TCF4: variants seen among roughly 807,000 people sequenced by gnomAD.
TCF4 encodes the protein transcription factor 4.
TCF4 carries 3 observed loss-of-function variants against 82.1 expected under a neutral mutation model. The ratio of observed to expected loss-of-function variants is 0.04; its 90% CI spans 0.02 to 0.09. The LOEUF is 0.09. Ranked by LOEUF, TCF4 falls within the 10% of genes least tolerant of loss-of-function variation. TCF4 has a pLI of 1.00. For synonymous variants in TCF4, 276 were observed against 309.6 expected (o/e 0.89, Z 1.14); for missense variants, 518 against 852.7 (o/e 0.61, Z 4.89).
intron 14 of TCF4, among the ~76,000 whole-genome samples, chr18:55,256,950 A>G (rs918435658): frequency 2.0e-5 from 3 of 152,206 alleles, no homozygotes; most frequent in Non-Finnish European, 4.4e-5. Flanking sequence ...AAGCAGAGGT[A>G]GAGGGAATCA....
At chr18:55,298,923 G>A (rs1225693272) in intron 8 of TCF4, among the ~76,000 whole-genome samples, 2 of 151,964 alleles carry the variant, frequency 1.3e-5, no homozygotes, top group Non-Finnish European at 2.9e-5. Flanking sequence ...ATAAAGATAC[G>A]GCCAATTTTC....
chr18:55,438,624 C>A (rs767308434), intron 5 of TCF4, among the ~76,000 whole-genome samples: 1 of 152,192 alleles, frequency 6.6e-6, no homozygotes, highest in Non-Finnish European at 1.5e-5. Context: ...AAAGACACCA[C>A]CTGCAGTCCT....
rs546041010 is a variant in TCF4, at chr18:55,304,801, G to A, written c.550-25145C>T. ...GAACTAGATATGGGAAGGATCAGTTGAGAAAATGTGATTTAAGAAGAGAGC... is the reference window on the plus strand; with the variant it reads ...GAACTAGATATGGGAAGGATCAGTTAAGAAAATGTGATTTAAGAAGAGAGC... On this transcript the variant is annotated intron_variant, in intron 8 of 19. Coordinates refer to ENST00000354452, the MANE Select transcript of TCF4 (RefSeq NM_001083962.2). 3.9e-5 allele frequency among the ~76,000 whole-genome samples: 6 copies of A among 152,286 alleles called. No homozygotes were observed. In the South Asian group the frequency reaches 1.2e-3, roughly 32 times the overall value.
intron 3 of TCF4, among the ~76,000 whole-genome samples, chr18:55,477,553 T>A (rs558296438): frequency 9.2e-5 from 14 of 152,296 alleles, no homozygotes; most frequent in Admixed American, 2.6e-4. Context: ...TGTGTCCTTT[T>A]TCACAGGGCA....
chr18:55,229,712 T>C (rs1287964055), intron 17 of TCF4: 1 of 153,226 alleles, frequency 6.5e-6, no homozygotes, highest in African/African-American at 2.4e-5. Context: ...ACCCACTATG[T>C]GAGTCTCATT....
At chr18:55,607,258 T>C (rs962103105) in intron 2 of TCF4, among the ~76,000 whole-genome samples, 1 of 152,246 alleles carries the variant, frequency 6.6e-6, no homozygotes, top group Admixed American at 6.5e-5. Context: ...TTTGATTATC[T>C]GACAGTGTCT....
chr18:55,441,473 T>A (rs2095437498), intron 5 of TCF4, among the ~76,000 whole-genome samples: 1 of 152,214 alleles, frequency 6.6e-6, no homozygotes, highest in Non-Finnish European at 1.5e-5. Context: ...CCCATGATTA[T>A]GTCCATGTTC....
chr18:55,316,487 A>T (rs1395538019), intron 8 of TCF4, among the ~76,000 whole-genome samples: 1 of 152,116 alleles, frequency 6.6e-6, no homozygotes, highest in African/African-American at 2.4e-5. Flanking sequence ...ACACACACAT[A>T]CAAAATTCAT....
intron 3 of TCF4, among the ~76,000 whole-genome samples, chr18:55,583,930 A>C (rs983364675): frequency 6.6e-5 from 10 of 152,150 alleles, no homozygotes; most frequent in Non-Finnish European, 8.8e-5. Context: ...AACTATCCCA[A>C]ATCCCTAAGT....
chr18:55,588,233 C>T (rs1603624929), upstream of TCF4: 2 of 1,403,594 alleles, frequency 1.4e-6, no homozygotes, highest in East Asian at 5.4e-5. Context: ...CACCAACTCT[C>T]TTCTCCGGGG....
In TCF4 at chr18:55,269,851, T is replaced by C. The variant is rs1555789091; in HGVS notation, c.902A>G (p.Asn301Ser). 3.7e-6 allele frequency: 6 copies of C among 1,613,146 alleles called. No individual in the cohort carries two copies. The highest frequency in any genetic ancestry group is 5.1e-6 in the Non-Finnish European group (6 of 1,179,386). ...CTCACCCATTATACTGTCTGTCCCG[T>C]TGGCAGGAGGCGTACAGGAAGAGGT... is the stretch of plus-strand genomic sequence containing the variant. ...YSTSSCTPPA[N>S]GTDSIMANRG... Residue 301 changes from asparagine (N) to serine (S), a missense_variant, in exon 11 of 20, where the codon AAC (asparagine) becomes AGC (serine). Transcript: ENST00000354452.
chr18:55,254,777 G>A (rs910484582), intron 14 of TCF4, 77 bp from the exon 15 acceptor site: 36 of 1,288,194 alleles, frequency 2.8e-5, no homozygotes, highest in East Asian at 2.0e-4. Flanking sequence ...AATTTTAGTC[G>A]ACAAAAAACA....
At chr18:55,355,508 G>A (rs1014089115) in intron 6 of TCF4, among the ~76,000 whole-genome samples, 1 of 152,102 alleles carries the variant, frequency 6.6e-6, no homozygotes, top group Non-Finnish European at 1.5e-5. Context: ...TTTTGCTGCT[G>A]TTGGCACTTA....
At chr18:55,327,011 C>G (rs189956235) in intron 8 of TCF4, among the ~76,000 whole-genome samples, 10 of 152,250 alleles carry the variant, frequency 6.6e-5, no homozygotes, top group African/African-American at 2.4e-4. Flanking sequence ...CACACACACA[C>G]AGAATTTATT....
chr18:55,261,807 G>A (rs957640544), intron 11 of TCF4, among the ~76,000 whole-genome samples: 2 of 152,208 alleles, frequency 1.3e-5, no homozygotes, highest in African/African-American at 4.8e-5. Context: ...GGTGAATGTA[G>A]CAAGCTATGT....
chr18:55,263,260 A>G (rs894679297), intron 11 of TCF4, among the ~76,000 whole-genome samples: 1 of 152,198 alleles, frequency 6.6e-6, no homozygotes, highest in Non-Finnish European at 1.5e-5. Context: ...TATGATATTA[A>G]AATACATGAG....
chr18:55,318,361 C>T (rs2074663750), intron 8 of TCF4, among the ~76,000 whole-genome samples: 6 of 152,016 alleles, frequency 3.9e-5, no homozygotes, highest in Admixed American at 3.9e-4. Flanking sequence ...CACTTTGATA[C>T]AAGCTTGTAT....
At position 55,464,145 on chromosome 18, in the gene TCF4, C is replaced by T. The variant is rs754808405; in HGVS notation, c.146-8G>A. ...TACTTCTGTCTTCTACATCTAGGGA[C>T]AAGAGAAAAGTTCTTTAGGCTTTCT... On this transcript the variant is annotated splice_region_variant and splice_polypyrimidine_tract_variant and intron_variant, in intron 3 of 19. Coordinates refer to ENST00000354452, the MANE Select transcript of TCF4 (RefSeq NM_001083962.2). 6.2e-7 allele frequency: 1 copy of T among 1,613,846 alleles called. No individual in the cohort carries two copies. Among genetic ancestry groups the T allele is most frequent in the South Asian group, 1.1e-5 (1 of 91,072 alleles).
intron 11 of TCF4, chr18:55,269,133 C>T (rs1358596739): frequency 1.3e-5 from 2 of 152,454 alleles, no homozygotes; most frequent in Non-Finnish European, 2.9e-5. Context: ...GTGAACATCA[C>T]AAGAAATGAG....
Sources: gnomAD v4.1 joint callset for allele counts (sites outside exome capture counted in the v4.1 genomes callset) on GRCh38, gnomAD v4.1.1 for gene constraint, MANE v1.5 for transcripts, NCBI Gene and HGNC (gene_info 2026-07-23, HGNC 2026-07-21) for gene names.